Variants in LHFPL3 observed in about 807,000 individuals in gnomAD.
LHFPL3 encodes LHFPL tetraspan subfamily member 3 protein.
In LHFPL3, 5 loss-of-function variants were observed where a neutral mutation model predicts 19.3. That is an observed-to-expected ratio of 0.26 (90% confidence interval 0.14 to 0.54). The LOEUF (loss-of-function observed/expected upper bound fraction) is 0.54, where lower values mean the gene tolerates loss of function less well. LHFPL3 is among the 20% of genes least tolerant of loss of function. LHFPL3 has a pLI of 0.94. For missense variants in LHFPL3, 249 were observed against 307.4 expected (o/e 0.81, Z 1.42); for synonymous variants, 133 against 126.2 (o/e 1.05, Z -0.36).
chr7:104,550,708 C>G (rs1040408304), intron 1 of LHFPL3, among the ~76,000 whole-genome samples: 1 of 152,090 alleles, frequency 6.6e-6, no homozygotes, highest in Non-Finnish European at 1.5e-5. Flanking sequence ...TCCCAAACAG[C>G]ATAAGATTAC....
intron 1 of LHFPL3, among the ~76,000 whole-genome samples, chr7:104,692,229 A>G (rs1176957135): frequency 6.6e-6 from 1 of 152,268 alleles, no homozygotes. Flanking sequence ...GAAGCAGAGC[A>G]TAAAAGTTCA....
chr7:104,377,317 C>A (rs1790735474), intron 1 of LHFPL3, among the ~76,000 whole-genome samples: 1 of 152,190 alleles, frequency 6.6e-6, no homozygotes, highest in South Asian at 2.1e-4. Context: ...GCAAAACAAA[C>A]TTAACTGTTA....
At chr7:104,765,095 C>T (rs747115752) in intron 2 of LHFPL3, among the ~76,000 whole-genome samples, 1 of 152,156 alleles carries the variant, frequency 6.6e-6, no homozygotes, top group Admixed American at 6.5e-5. Context: ...AAGAAGCAAA[C>T]AAAAGATGAC....
intron 1 of LHFPL3, among the ~76,000 whole-genome samples, chr7:104,712,807 C>A (rs1455222573): frequency 6.6e-6 from 1 of 152,144 alleles, no homozygotes; most frequent in Non-Finnish European, 1.5e-5. Context: ...TTTCTTATAG[C>A]AGCAACAGAA....
intron 1 of LHFPL3, among the ~76,000 whole-genome samples, chr7:104,549,682 C>T (rs761379882): frequency 3.3e-5 from 5 of 152,052 alleles, no homozygotes; most frequent in African/African-American, 4.8e-5. Context: ...ATATCTATTA[C>T]GTGGTGAGGA....
At chr7:104,805,580 G>C (rs1413646475) in intron 2 of LHFPL3, among the ~76,000 whole-genome samples, 1 of 152,146 alleles carries the variant, frequency 6.6e-6, no homozygotes, top group African/African-American at 2.4e-5. Flanking sequence ...ACCCCTTCCA[G>C]GGTGGCACAG....
At chr7:104,391,702 T>G (rs1791072350) in intron 1 of LHFPL3, among the ~76,000 whole-genome samples, 1 of 152,190 alleles carries the variant, frequency 6.6e-6, no homozygotes, top group South Asian at 2.1e-4. Context: ...TTTAAAGTAG[T>G]TTTTTCCAAT....
At chr7:104,684,521 A>G (rs1456601613) in intron 1 of LHFPL3, among the ~76,000 whole-genome samples, 1 of 152,236 alleles carries the variant, frequency 6.6e-6, no homozygotes, top group Non-Finnish European at 1.5e-5. Context: ...ATTTCATATA[A>G]TTTTCATGTG....
intron 1 of LHFPL3, among the ~76,000 whole-genome samples, chr7:104,384,154 G>A (rs1372937748): frequency 6.6e-6 from 1 of 152,276 alleles, no homozygotes; most frequent in Non-Finnish European, 1.5e-5. Flanking sequence ...ACTACTGGGG[G>A]TGCTGAGTAT....
At chr7:104,544,308 G>A (rs936310965) in intron 1 of LHFPL3, among the ~76,000 whole-genome samples, 1 of 152,070 alleles carries the variant, frequency 6.6e-6, no homozygotes, top group Admixed American at 6.6e-5. Flanking sequence ...GGTTTTGGGG[G>A]AAAATCTGTA....
intron 1 of LHFPL3, among the ~76,000 whole-genome samples, chr7:104,687,490 A>G (rs1291976415): frequency 1.3e-5 from 2 of 152,048 alleles, no homozygotes; most frequent in Non-Finnish European, 2.9e-5. Context: ...AAAAGTTCCA[A>G]CTCTCTAATC....
chr7:104,408,241 A>G (rs1020137309), intron 1 of LHFPL3, among the ~76,000 whole-genome samples: 1 of 152,122 alleles, frequency 6.6e-6, no homozygotes, highest in Non-Finnish European at 1.5e-5. Flanking sequence ...TAATCTATAG[A>G]AGGGCTGTTC....
At chr7:104,534,848 A>G (rs1156527909) in intron 1 of LHFPL3, among the ~76,000 whole-genome samples, 2 of 151,788 alleles carry the variant, frequency 1.3e-5, no homozygotes, top group African/African-American at 4.9e-5. Context: ...GAATTATTCT[A>G]TTTCTTTATA....
chr7:104,868,756 C>T (rs1049001563), intron 2 of LHFPL3, among the ~76,000 whole-genome samples: 1 of 152,148 alleles, frequency 6.6e-6, no homozygotes, highest in African/African-American at 2.4e-5. Context: ...AAAAAAGAGC[C>T]CGCATTGCCA....
At chr7:104,530,627 T>C (rs963807962) in intron 1 of LHFPL3, among the ~76,000 whole-genome samples, 3 of 152,356 alleles carry the variant, frequency 2.0e-5, no homozygotes, top group African/African-American at 7.2e-5. Flanking sequence ...GTTCGTTAAA[T>C]TTAACAGTTG....
chr7:104,822,470 G>T (rs990198610), intron 2 of LHFPL3, among the ~76,000 whole-genome samples: 1 of 152,124 alleles, frequency 6.6e-6, no homozygotes, highest in Non-Finnish European at 1.5e-5. Context: ...ATTCTGTGGG[G>T]GATGGAGATC....
At chr7:104,434,783 A>G (rs746538760) in intron 1 of LHFPL3, among the ~76,000 whole-genome samples, 3 of 152,208 alleles carry the variant, frequency 2.0e-5, no homozygotes, top group Non-Finnish European at 4.4e-5. Flanking sequence ...CACATGCAAG[A>G]TAGCCGTGTG....
At chr7:104,667,702 A>T in intron 1 of LHFPL3, 2 of 1,344,558 alleles carry the variant, frequency 1.5e-6, no homozygotes, top group Non-Finnish European at 1.0e-6. Context: ...TTTACAACTT[A>T]GAGGAGTACT....
chr7:104,729,517 A>G (rs1793652081), intron 1 of LHFPL3, among the ~76,000 whole-genome samples: 1 of 152,044 alleles, frequency 6.6e-6, no homozygotes, highest in Non-Finnish European at 1.5e-5. Context: ...GTCTCTACTT[A>G]TCCTTCTTCC....
Sources: gnomAD v4.1 joint callset for allele counts (sites outside exome capture counted in the v4.1 genomes callset) on GRCh38, gnomAD v4.1.1 for gene constraint, MANE v1.5 for transcripts, NCBI Gene and HGNC (gene_info 2026-07-23, HGNC 2026-07-21) for gene names.